ANXA2: variants seen among roughly 807,000 people sequenced by gnomAD.
ANXA2 encodes annexin A2, also known as annexin II.
A neutral mutation model predicts 47.3 loss-of-function variants in ANXA2; 28 were observed. The observed-to-expected ratio is 0.59, with a 90% CI of 0.44 to 0.81. ANXA2 has a LOEUF of 0.81. Among genes scored for constraint, ANXA2 ranks in the 40% least tolerant of loss-of-function variants. The pLI is 0.00. For missense variants in ANXA2, 384 were observed against 414.3 expected (o/e 0.93, Z 0.64); for synonymous variants, 172 against 155.5 (o/e 1.11, Z -0.79).
At chr15:60,353,764 T>C (rs1381881200) in intron 8 of ANXA2, among the ~76,000 whole-genome samples, 1 of 152,198 alleles carries the variant, frequency 6.6e-6, no homozygotes, top group East Asian at 1.9e-4. Flanking sequence ...TCTTTGCAGA[T>C]TGCTTGCTCT....
intron 4 of ANXA2, chr15:60,361,332 A>C: frequency 2.5e-6 from 1 of 394,144 alleles, no homozygotes; most frequent in South Asian, 2.6e-5. Flanking sequence ...GTGATTCCTA[A>C]GAAAGCTGTG....
chr15:60,347,648 C>A lies in ANXA2; in HGVS notation c.1002G>T (p.Leu334=), dbSNP rs777953258. 83 of 1,614,202 alleles carry A rather than the reference C, an allele frequency of 5.1e-5. 1 individual carries two copies. The Middle Eastern group carries it at 1.2e-3, about 22-fold the overall frequency. ...TCGGGCTTCAGTCATCTCCACCACACAGGTACAGCAGCGCTTTCTGGTAGT... is the reference window on the plus strand; with the variant it reads ...TCGGGCTTCAGTCATCTCCACCACAAAGGTACAGCAGCGCTTTCTGGTAGT... ...KGDYQKALLY[L]CGGDD The change falls in exon 13 of 13, where the codon CTG becomes CTT. Residue 334 remains leucine, a synonymous_variant. Coordinates refer to ENST00000451270, the MANE Select transcript of ANXA2 (RefSeq NM_004039.3).
At chr15:60,360,087 T>TCTCTAC (rs1373742105) in intron 5 of ANXA2, among the ~76,000 whole-genome samples, 2 of 152,084 alleles carry the variant, frequency 1.3e-5, no homozygotes. Context: ...AGAAATCCCG[T>TCTCTAC]CTCTACTAAA....
chr15:60,397,609 T>A (rs2063098933), intron 1 of ANXA2, among the ~76,000 whole-genome samples: 1 of 152,108 alleles, frequency 6.6e-6, no homozygotes, highest in Admixed American at 6.5e-5. Context: ...GCCTGGCGCG[T>A]CTGGAATGCG....
At chr15:60,359,457 T>C (rs1031197393) in intron 5 of ANXA2, among the ~76,000 whole-genome samples, 1 of 152,214 alleles carries the variant, frequency 6.6e-6, no homozygotes, top group African/African-American at 2.4e-5. Context: ...ACCAGGATCA[T>C]GAAATGTTGT....
intron 3 of ANXA2, among the ~76,000 whole-genome samples, chr15:60,379,636 C>T (rs1054974502): frequency 6.6e-6 from 1 of 152,160 alleles, no homozygotes; most frequent in Non-Finnish European, 1.5e-5. Flanking sequence ...TCATCCAAGA[C>T]CTGGGGATGA....
chr15:60,380,493 CAAAA>C (rs538754910), intron 3 of ANXA2, among the ~76,000 whole-genome samples: 6 of 90,090 alleles, frequency 6.7e-5, no homozygotes, highest in African/African-American at 7.8e-5. Flanking sequence ...TTAAATGCAC[CAAAA>C]AAAAAAAAAA....
At chr15:60,353,333 G>A (rs2062377264) in intron 8 of ANXA2, among the ~76,000 whole-genome samples, 1 of 152,052 alleles carries the variant, frequency 6.6e-6, no homozygotes, top group Admixed American at 6.6e-5. Context: ...GTCTCTGCTG[G>A]CCTCCCTTTC....
intron 1 of ANXA2, chr15:60,393,458 A>C: frequency 1.0e-5 from 10 of 1,004,586 alleles, no homozygotes; most frequent in Non-Finnish European, 1.2e-5. Context: ...AAAAAGTCTA[A>C]TGTCAGCATT....
At chr15:60,357,382 C>T (rs200460035) in intron 5 of ANXA2, 146 bp from the exon 6 acceptor site, 1 of 465,278 alleles carries the variant, frequency 2.1e-6, no homozygotes, top group Admixed American at 4.6e-5. Flanking sequence ...ATCTATACTC[C>T]TACCCCTTAG....
At chr15:60,356,453 T>C (rs1313805937) in intron 6 of ANXA2, among the ~76,000 whole-genome samples, 1 of 152,146 alleles carries the variant, frequency 6.6e-6, no homozygotes, top group Non-Finnish European at 1.5e-5. Context: ...TATATTTCAA[T>C]ATTCAAAATA....
intron 1 of ANXA2, chr15:60,397,468 G>A (rs1194816270): frequency 6.4e-6 from 2 of 312,286 alleles, no homozygotes; most frequent in Non-Finnish European, 9.6e-6. Flanking sequence ...CTCCACAAGC[G>A]CGCGTTTGTT....
intron 3 of ANXA2, among the ~76,000 whole-genome samples, chr15:60,372,498 C>T (rs1216309706): frequency 6.6e-6 from 1 of 152,136 alleles, no homozygotes; most frequent in African/African-American, 2.4e-5. Flanking sequence ...AGCACTATCT[C>T]ACAGGCCCAA....
At chr15:60,366,817 T>C (rs1397581561) in intron 3 of ANXA2, among the ~76,000 whole-genome samples, 6 of 14,198 alleles carry the variant, frequency 4.2e-4, no homozygotes, top group African/African-American at 6.5e-4. Context: ...GGGGGGGGGG[T>C]CGGCCAGCCG....
chr15:60,376,420 C>G (rs994911703), intron 3 of ANXA2, among the ~76,000 whole-genome samples: 3 of 151,682 alleles, frequency 2.0e-5, no homozygotes, highest in Non-Finnish European at 2.9e-5. Flanking sequence ...GATGCCATAA[C>G]AGCTCACAGG....
chr15:60,395,560 C>G (rs2063070814), intron 1 of ANXA2: 1 of 152,138 alleles, frequency 6.6e-6, no homozygotes, highest in East Asian at 1.9e-4. Context: ...AAATCAATAG[C>G]AATTATAGAA....
At chr15:60,377,278 C>A (rs1469151766) in intron 3 of ANXA2, among the ~76,000 whole-genome samples, 1 of 152,148 alleles carries the variant, frequency 6.6e-6, no homozygotes, top group African/African-American at 2.4e-5. Context: ...GAGGAAGGAA[C>A]AAAAGGGTTG....
chr15:60,351,264 G>A lies in ANXA2; in HGVS notation c.779-13C>T, dbSNP rs1195803146. The A allele has an allele frequency of 1.2e-6, 2 of 1,614,076 alleles. No homozygotes were observed. The highest frequency in any genetic ancestry group is 1.7e-5 in the Admixed American group (1 of 60,026). On this transcript the variant is annotated splice_polypyrimidine_tract_variant and intron_variant, in intron 10 of 12. Coordinates refer to ENST00000451270, the MANE Select transcript of ANXA2 (RefSeq NM_004039.3). ...TGAATGCACTGAACTGTGGAGAGAA[G>A]AAAGGGAGTCAGCGCTGCAGCTGCT... is the stretch of plus-strand genomic sequence containing the variant.
chr15:60,357,192 G>T lies in ANXA2; in HGVS notation c.402C>A (p.Ser134=). The stretch of plus-strand genomic sequence containing the variant: ...TTTCCTGCAGCTCCTGGTTGGTTCT[G>T]GAGCAGATGATCTCAATGAGAGAGT... ...DEDSLIEIIC[S]RTNQELQEIN... is the part of the protein sequence containing the mutation. Residue 134 remains serine, a synonymous_variant, in exon 6 of 13, where the codon TCC becomes TCA. Coordinates refer to ENST00000451270, the MANE Select transcript of ANXA2 (RefSeq NM_004039.3). The T allele has an allele frequency of 6.2e-7, 1 of 1,614,196 alleles. No individual in the cohort carries two copies. The highest frequency in any genetic ancestry group is 1.7e-5 in the Admixed American group (1 of 60,032).
Sources: allele counts gnomAD v4.1 joint callset (sites outside exome capture counted in the v4.1 genomes callset), GRCh38; gene constraint gnomAD v4.1.1; transcripts MANE v1.5; gene names NCBI Gene and HGNC (gene_info 2026-07-23, HGNC 2026-07-21).